Variants in OTUD7A observed in about 807,000 individuals in gnomAD.
OTUD7A encodes the protein OTU domain-containing protein 7A.
OTUD7A carries 12 observed loss-of-function variants against 65.7 expected under a neutral mutation model. That is an observed-to-expected ratio of 0.18 (90% confidence interval 0.12 to 0.30). The LOEUF (loss-of-function observed/expected upper bound fraction) is 0.30. OTUD7A is among the 10% of genes least tolerant of loss of function. OTUD7A has a pLI of 1.00. For synonymous variants in OTUD7A, 641 were observed against 586.3 expected, an observed-to-expected ratio of 1.09 and a Z score of -1.35; for missense variants, 1,148 against 1,304.8, an observed-to-expected ratio of 0.88 and a Z score of 1.85.
intron 1 of OTUD7A, among the ~76,000 whole-genome samples, chr15:31,737,565 G>A (rs1042441146): frequency 2.0e-5 from 3 of 152,146 alleles, no homozygotes; most frequent in Non-Finnish European, 2.9e-5. Flanking sequence ...AAAGTAATCT[G>A]GAAACGGCGA....
intron 3 of OTUD7A, among the ~76,000 whole-genome samples, chr15:31,627,403 C>T (rs1417021889): frequency 2.0e-5 from 3 of 151,916 alleles, no homozygotes; most frequent in African/African-American, 7.3e-5. Context: ...ATCCATGTCC[C>T]TACAAAGGAC....
At position 31,807,606 on chromosome 15, in the gene OTUD7A, G is replaced by T. The variant is rs138003593; in HGVS notation, c.-100+62901C>A. Among the ~76,000 whole-genome samples the T allele has an allele frequency of 2.0e-5, 3 of 152,198 alleles. No individual in the cohort carries two copies. The East Asian group carries it at 5.8e-4, about 29-fold the overall frequency. ...AGGGAGAGTTTGGGAAGTGCCTGTC[G>T]TGGATTTGGTGGGTTAAGGGTCCCT... On this transcript the variant is annotated intron_variant, in intron 1 of 12. Transcript: ENST00000307050.
intron 1 of OTUD7A, among the ~76,000 whole-genome samples, chr15:31,747,885 G>A (rs1432323731): frequency 1.3e-5 from 2 of 152,246 alleles, no homozygotes; most frequent in South Asian, 2.1e-4. Flanking sequence ...CATCACTTCC[G>A]TGGCACTGCT....
chr15:31,549,657 C>T (rs4779891), intron 5 of OTUD7A, among the ~76,000 whole-genome samples: 92,406 of 151,890 alleles, frequency 0.61, 30,644 homozygotes, highest in East Asian at 0.91. Flanking sequence ...AGAGAAAGGG[C>T]AGATGGTAGA....
At chr15:31,664,064 A>G (rs1323455583) in intron 1 of OTUD7A, among the ~76,000 whole-genome samples, 1 of 152,164 alleles carries the variant, frequency 6.6e-6, no homozygotes, top group Admixed American at 6.5e-5. Context: ...TTCTTTATCC[A>G]CTCATTGATT....
chr15:31,566,641 T>C (rs12912370), intron 4 of OTUD7A, among the ~76,000 whole-genome samples: 50,390 of 151,970 alleles, frequency 0.33, 11,058 homozygotes, highest in African/African-American at 0.63. Context: ...GGAGGGGGGG[T>C]CTGGTGGGAG....
intron 1 of OTUD7A, among the ~76,000 whole-genome samples, chr15:31,709,975 T>C (rs980784822): frequency 2.0e-5 from 3 of 150,126 alleles, no homozygotes; most frequent in African/African-American, 7.3e-5. Flanking sequence ...TAAAACCCTA[T>C]AAATAGTCAT....
At chr15:31,693,394 C>G (rs1893002804) in intron 1 of OTUD7A, among the ~76,000 whole-genome samples, 1 of 152,052 alleles carries the variant, frequency 6.6e-6, no homozygotes, top group African/African-American at 2.4e-5. Context: ...AAGTTCAGAT[C>G]CACAACAAAA....
intron 3 of OTUD7A, among the ~76,000 whole-genome samples, chr15:31,606,557 A>G (rs1334239586): frequency 6.6e-6 from 1 of 152,230 alleles, no homozygotes; most frequent in Non-Finnish European, 1.5e-5. Flanking sequence ...AAAAATCCCT[A>G]TACTGCAAAT....
intron 8 of OTUD7A, among the ~76,000 whole-genome samples, chr15:31,507,995 T>C (rs2041608933): frequency 6.6e-6 from 1 of 152,128 alleles, no homozygotes; most frequent in African/African-American, 2.4e-5. Context: ...GACATAAATA[T>C]TTGTGTGAAA....
chr15:31,653,894 A>G (rs1181047791), intron 3 of OTUD7A, among the ~76,000 whole-genome samples: 3 of 147,944 alleles, frequency 2.0e-5, no homozygotes, highest in Admixed American at 6.7e-5. Context: ...TACTTTTTTG[A>G]GCATCTGCTA....
intron 3 of OTUD7A, among the ~76,000 whole-genome samples, chr15:31,583,703 C>T (rs1376594134): frequency 6.6e-6 from 1 of 151,880 alleles, no homozygotes; most frequent in African/African-American, 2.4e-5. Flanking sequence ...AACTGTGAGT[C>T]CATTAAACTT....
At chr15:31,570,795 C>T (rs998842122) in intron 3 of OTUD7A, among the ~76,000 whole-genome samples, 2 of 152,058 alleles carry the variant, frequency 1.3e-5, no homozygotes, top group African/African-American at 2.4e-5. Flanking sequence ...GCAGGGCTCC[C>T]ACCCCGACAC....
At chr15:31,862,168 T>C (rs1284028942) in intron 1 of OTUD7A, among the ~76,000 whole-genome samples, 2 of 152,192 alleles carry the variant, frequency 1.3e-5, no homozygotes, top group Admixed American at 6.5e-5. Context: ...ATGCTATTCT[T>C]TTCCTCTCTC....
At chr15:31,775,570 A>C (rs745857297) in intron 1 of OTUD7A, among the ~76,000 whole-genome samples, 1 of 152,220 alleles carries the variant, frequency 6.6e-6, no homozygotes, top group Non-Finnish European at 1.5e-5. Context: ...AAGCTTGAAG[A>C]TCAACTGTGC....
intron 10 of OTUD7A, among the ~76,000 whole-genome samples, chr15:31,488,639 G>A (rs1053793864): frequency 2.0e-5 from 3 of 152,176 alleles, no homozygotes; most frequent in African/African-American, 4.8e-5. Context: ...CCTCTTTGCT[G>A]GTGCCCATGG....
At chr15:31,517,271 G>T (rs902245451) in intron 8 of OTUD7A, among the ~76,000 whole-genome samples, 4 of 152,160 alleles carry the variant, frequency 2.6e-5, no homozygotes, top group Non-Finnish European at 1.5e-5. Flanking sequence ...TTAGCTGGGG[G>T]CTCTAAAATG....
chr15:31,797,382 A>G (rs1417035854), intron 1 of OTUD7A, among the ~76,000 whole-genome samples: 1 of 152,196 alleles, frequency 6.6e-6, no homozygotes, highest in African/African-American at 2.4e-5. Context: ...TTTTATTGGC[A>G]GTGAAGGGAA....
chr15:31,582,971 G>C (rs1303161507), intron 3 of OTUD7A, among the ~76,000 whole-genome samples: 6 of 152,210 alleles, frequency 3.9e-5, no homozygotes, highest in African/African-American at 1.4e-4. Flanking sequence ...GCATTAAAAA[G>C]AAGGAAGTTG....
Sources: gnomAD v4.1 joint callset for allele counts (sites outside exome capture counted in the v4.1 genomes callset) on GRCh38, gnomAD v4.1.1 for gene constraint, MANE v1.5 for transcripts, NCBI Gene and HGNC (gene_info 2026-07-23, HGNC 2026-07-21) for gene names.